TTC27: variants seen among roughly 807,000 people sequenced by gnomAD.
The protein encoded by TTC27 is tetratricopeptide repeat domain 27.
A neutral mutation model predicts 115.9 loss-of-function variants in TTC27; 79 were observed. The ratio of observed to expected loss-of-function variants is 0.68; its 90% CI spans 0.57 to 0.82. The LOEUF (loss-of-function observed/expected upper bound fraction) is 0.82. TTC27 is among the 40% of genes least tolerant of loss of function. TTC27 has a pLI of 0.00. For synonymous variants in TTC27, 401 were observed against 356.0 expected, an observed-to-expected ratio of 1.13 and a Z score of -1.42; for missense variants, 1,054 against 993.1, an observed-to-expected ratio of 1.06 and a Z score of -0.82.
At position 32,701,816 on chromosome 2, in the gene TTC27, G is replaced by T. The variant is rs115981857; in HGVS notation, c.1120-991G>T. ...TTAAAAAACACTGATGCCAGCCTGG[G>T]CAACATAGCGAGATCCTGTCTCTAC... On this transcript the variant is annotated intron_variant, in intron 9 of 19. Coordinates refer to ENST00000317907, the MANE Select transcript of TTC27 (RefSeq NM_017735.5). Among the ~76,000 whole-genome samples the T allele has an allele frequency of 2.9e-3, 434 of 152,040 alleles. 6 individuals carry two copies. The highest frequency in any genetic ancestry group is 9.9e-3 in the African/African-American group (409 of 41,454).
intron 16 of TTC27, among the ~76,000 whole-genome samples, chr2:32,804,653 A>G (rs2148039831): frequency 6.6e-6 from 1 of 152,234 alleles, no homozygotes; most frequent in East Asian, 1.9e-4. Context: ...TACACATAAT[A>G]AAAAGATTAG....
At chr2:32,819,109 C>A (rs556883903) in intron 19 of TTC27, among the ~76,000 whole-genome samples, 2 of 152,270 alleles carry the variant, frequency 1.3e-5, no homozygotes, top group East Asian at 3.9e-4. Flanking sequence ...CTACTACTAC[C>A]ACAGTAGTTT....
intron 12 of TTC27, among the ~76,000 whole-genome samples, chr2:32,747,120 C>G (rs778425447): frequency 3.3e-5 from 5 of 152,146 alleles, no homozygotes; most frequent in Non-Finnish European, 7.3e-5. Flanking sequence ...TGTTGGGTAG[C>G]AACAAGTTAC....
intron 9 of TTC27, among the ~76,000 whole-genome samples, chr2:32,690,460 A>G (rs979049972): frequency 6.6e-6 from 1 of 152,190 alleles, no homozygotes; most frequent in Non-Finnish European, 1.5e-5. Flanking sequence ...TAAACTACAA[A>G]TGGATAGCAC....
At chr2:32,810,316 G>A (rs1300429937) in intron 16 of TTC27, among the ~76,000 whole-genome samples, 1 of 152,172 alleles carries the variant, frequency 6.6e-6, no homozygotes, top group African/African-American at 2.4e-5. Context: ...TTAGGTAGGA[G>A]AAGCTGTATT....
intron 16 of TTC27, among the ~76,000 whole-genome samples, chr2:32,787,639 T>C (rs1400443662): frequency 6.6e-6 from 1 of 152,114 alleles, no homozygotes; most frequent in Non-Finnish European, 1.5e-5. Context: ...AAGTTATCCC[T>C]CCAGAAAGTA....
At chr2:32,644,776 C>T (rs2710619) in intron 4 of TTC27, among the ~76,000 whole-genome samples, 79,009 of 150,662 alleles carry the variant, frequency 0.52, 20,930 homozygotes, top group Middle Eastern at 0.59. Flanking sequence ...ATAGATTTTT[C>T]CTGTGGGTCT....
intron 9 of TTC27, among the ~76,000 whole-genome samples, chr2:32,684,673 G>A (rs1415800048): frequency 6.6e-6 from 1 of 152,030 alleles, no homozygotes; most frequent in African/African-American, 2.4e-5. Flanking sequence ...AGATGAAAAT[G>A]ATTACCCATT....
At chr2:32,814,737 C>T (rs770874852) in intron 18 of TTC27, among the ~76,000 whole-genome samples, 11 of 152,174 alleles carry the variant, frequency 7.2e-5, no homozygotes, top group Non-Finnish European at 1.3e-4. Flanking sequence ...TCAGTACAGT[C>T]ACATGCTGTA....
intron 16 of TTC27, among the ~76,000 whole-genome samples, chr2:32,793,979 A>G (rs1310758100): frequency 6.6e-6 from 1 of 152,198 alleles, no homozygotes; most frequent in African/African-American, 2.4e-5. Context: ...AGACTAATGC[A>G]TTAAATATAT....
intron 13 of TTC27, among the ~76,000 whole-genome samples, chr2:32,767,801 T>C (rs1232466658): frequency 2.0e-5 from 3 of 152,194 alleles, no homozygotes; most frequent in Non-Finnish European, 4.4e-5. Context: ...ATTAAAAATA[T>C]GTTCTATTTA....
chr2:32,792,563 TG>T (rs1670571914), intron 16 of TTC27, among the ~76,000 whole-genome samples: 1 of 152,104 alleles, frequency 6.6e-6, no homozygotes, highest in South Asian at 2.1e-4. Context: ...AACTGAGGTT[TG>T]GGGAAGCCAA....
intron 10 of TTC27, among the ~76,000 whole-genome samples, chr2:32,721,743 C>T (rs917504873): frequency 6.7e-6 from 1 of 149,598 alleles, no homozygotes; most frequent in African/African-American, 2.5e-5. Flanking sequence ...CTCAAGCCAT[C>T]CTCCTGCCTT....
At chr2:32,718,189 A>G (rs2151908592) in intron 10 of TTC27, among the ~76,000 whole-genome samples, 1 of 152,282 alleles carries the variant, frequency 6.6e-6, no homozygotes, top group South Asian at 2.1e-4. Context: ...TTCATTCTTT[A>G]AAAGACTTCT....
At chr2:32,814,799 A>G (rs1671442911) in intron 18 of TTC27, among the ~76,000 whole-genome samples, 1 of 152,216 alleles carries the variant, frequency 6.6e-6, no homozygotes, top group African/African-American at 2.4e-5. Context: ...CTAGGTGCAT[A>G]GTAGGCTATA....
intron 5 of TTC27, among the ~76,000 whole-genome samples, chr2:32,661,235 T>C (rs887404585): frequency 2.0e-5 from 3 of 152,200 alleles, no homozygotes; most frequent in Non-Finnish European, 4.4e-5. Context: ...TTGCTTAGGA[T>C]TGTCTTGGCT....
rs1222973220 is a variant in TTC27, at chr2:32,744,983, G to A, written c.1452+8167G>A. 2.2e-5 allele frequency among the ~76,000 whole-genome samples: 3 copies of A among 138,420 alleles called. No homozygotes were observed. In the Admixed American group the frequency reaches 2.3e-4, roughly 11 times the overall value. The allele number at this position is 138,420 out of a possible 152,430, so 90.8% of individuals were successfully genotyped here. On this transcript the variant is annotated intron_variant, in intron 12 of 19. Transcript: ENST00000317907. ...GAATCCTTTGAGCCCGGGAGGTGGA[G>A]TTTGCAGTGGGCCAAGATCACGCCA...
At chr2:32,781,845 A>G (rs547897790) in intron 14 of TTC27, among the ~76,000 whole-genome samples, 28 of 152,352 alleles carry the variant, frequency 1.8e-4, no homozygotes, top group Non-Finnish European at 3.1e-4. Flanking sequence ...TAGAATTTGA[A>G]TAACTTCTAG....
intron 18 of TTC27, among the ~76,000 whole-genome samples, chr2:32,817,117 C>T (rs992718242): frequency 6.6e-6 from 1 of 151,922 alleles, no homozygotes. Flanking sequence ...TAGAGAAAGG[C>T]CAGGTGCAAT....
Sources: gnomAD v4.1 joint callset for allele counts (sites outside exome capture counted in the v4.1 genomes callset) on GRCh38, gnomAD v4.1.1 for gene constraint, MANE v1.5 for transcripts, NCBI Gene and HGNC (gene_info 2026-07-23, HGNC 2026-07-21) for gene names.